The following MOB3B variants were observed in gnomAD, a reference collection of about 807,000 sequenced individuals.
MOB3B encodes the protein MOB kinase activator-like 2B.
In MOB3B, 7 loss-of-function variants were observed where a neutral mutation model predicts 18.7. The ratio of observed to expected loss-of-function variants is 0.37; its 90% confidence interval spans 0.21 to 0.70. The LOEUF is 0.70. Ranked by LOEUF, MOB3B falls within the 30% of genes least tolerant of loss-of-function variation. The pLI, the probability that MOB3B is intolerant of heterozygous loss-of-function variation, is 0.52. For synonymous variants in MOB3B, 111 were observed against 99.9 expected, an observed-to-expected ratio of 1.11 and a Z score of -0.66; for missense variants, 253 against 281.3, an observed-to-expected ratio of 0.90 and a Z score of 0.72.
intron 2 of MOB3B, among the ~76,000 whole-genome samples, chr9:27,438,138 A>G (rs1392066697): frequency 1.3e-5 from 2 of 152,246 alleles, no homozygotes; most frequent in Admixed American, 6.5e-5. Context: ...ATAAATAGCC[A>G]AGAGCACTGA....
chr9:27,524,150 T>TAAAAA lies in MOB3B; in HGVS notation c.-199+5400_-199+5404dup, dbSNP rs3081119. 1.7e-4 allele frequency among the ~76,000 whole-genome samples: 15 copies of TAAAAA among 90,224 alleles called. 1 individual carries two copies. The highest frequency in any genetic ancestry group is 2.4e-4 in the Admixed American group (2 of 8,248). 59.2% of individuals were successfully genotyped at this position (90,224 alleles called of 152,430 possible). ...CCAAAGTCGGCATAGTCACCCGAAG[T>TAAAAA]AAAAAAAAAAAAAAAAAAAAAGCCT... On this transcript the variant is annotated intron_variant, in intron 1 of 3. Transcript: ENST00000262244.
intron 2 of MOB3B, among the ~76,000 whole-genome samples, chr9:27,370,778 C>T (rs946318667): frequency 6.6e-6 from 1 of 152,176 alleles, no homozygotes; most frequent in Non-Finnish European, 1.5e-5. Flanking sequence ...ACCATAGAAA[C>T]CTGAGTTGTG....
intron 1 of MOB3B, among the ~76,000 whole-genome samples, chr9:27,509,508 C>T (rs1820109893): frequency 2.6e-5 from 4 of 152,260 alleles, no homozygotes; most frequent in Admixed American, 2.0e-4. Context: ...CCTCCGCCTC[C>T]TGGGTTCAAG....
chr9:27,372,600 A>G (rs1821439898), intron 2 of MOB3B, among the ~76,000 whole-genome samples: 1 of 152,220 alleles, frequency 6.6e-6, no homozygotes, highest in Non-Finnish European at 1.5e-5. Context: ...CTTTGATACG[A>G]TAAGTCGCTT....
chr9:27,501,229 T>A (rs997514101), intron 1 of MOB3B, among the ~76,000 whole-genome samples: 1 of 152,190 alleles, frequency 6.6e-6, no homozygotes, highest in Non-Finnish European at 1.5e-5. Flanking sequence ...AATACCATTT[T>A]ACCCAGCGAT....
chr9:27,355,047 CA>C (rs1228613273), intron 3 of MOB3B, among the ~76,000 whole-genome samples: 1 of 152,216 alleles, frequency 6.6e-6, no homozygotes, highest in Non-Finnish European at 1.5e-5. Context: ...ATATCTTGCT[CA>C]AGTTTGCACG....
intron 2 of MOB3B, chr9:27,378,741 C>A (rs1448982104): frequency 8.6e-6 from 4 of 463,346 alleles, no homozygotes; most frequent in Non-Finnish European, 1.3e-5. Context: ...GGCATGTGAC[C>A]AAAGTGATAA....
rs2181029 is a variant in MOB3B, at chr9:27,326,906, A to G, written c.*3681T>C. The G allele has an allele frequency of 0.17, 36,948 of 219,954 alleles. 3,080 individuals are homozygous for G. The highest frequency in any genetic ancestry group is 0.2 in the African/African-American group (8,738 of 44,160). The allele number at this position is 219,954 out of a possible 1,614,324, so 13.6% of individuals were successfully genotyped here. On this transcript the variant is annotated 3_prime_UTR_variant, in exon 4 of 4. Coordinates refer to ENST00000262244, the MANE Select transcript of MOB3B (RefSeq NM_024761.5). ...TTGGAGGGTCACAACTCACTGTACT[A>G]TCTAAGAGTTTTCCCAAAAAAACCA...
intron 1 of MOB3B, among the ~76,000 whole-genome samples, chr9:27,466,659 G>A (rs1198782714): frequency 6.6e-6 from 1 of 152,132 alleles, no homozygotes; most frequent in Non-Finnish European, 1.5e-5. Flanking sequence ...AATCATAGTG[G>A]GAGGCAGAAG....
intron 3 of MOB3B, among the ~76,000 whole-genome samples, chr9:27,357,791 C>T (rs1821213052): frequency 6.7e-6 from 1 of 150,194 alleles, no homozygotes; most frequent in Non-Finnish European, 1.5e-5. Flanking sequence ...GTGGCTCACA[C>T]CTGTAATCCC....
At chr9:27,433,183 G>A (rs1822442669) in intron 2 of MOB3B, among the ~76,000 whole-genome samples, 1 of 151,720 alleles carries the variant, frequency 6.6e-6, no homozygotes, top group African/African-American at 2.4e-5. Flanking sequence ...TCAGGGCTTT[G>A]TAAACATTAT....
chr9:27,484,498 A>G (rs10812602), intron 1 of MOB3B, among the ~76,000 whole-genome samples: 43,854 of 152,142 alleles, frequency 0.29, 7,197 homozygotes, highest in Non-Finnish European at 0.37. Flanking sequence ...AGCAAACTGA[A>G]GTGCATTATT....
Position 27,326,482 on chromosome 9 carries a change from C to CA in MOB3B, c.*4104_*4105insT, listed in dbSNP as rs1195975828. ...GAAACTCAAAAAGAATACTTCAGCT[C>CA]GAGTTGAATGGAATTCAAGATGTTG... On this transcript the variant is annotated 3_prime_UTR_variant, in exon 4 of 4. Transcript: ENST00000262244. 3 of 398,394 alleles carry CA rather than the reference C, an allele frequency of 7.5e-6. No individual in the cohort carries two copies. The highest frequency in any genetic ancestry group is 4.4e-6 in the Non-Finnish European group (1 of 226,052). 24.7% of individuals were successfully genotyped at this position (398,394 alleles called of 1,614,324 possible). A position where few individuals can be genotyped will look rare whatever the true frequency, so the allele number is the denominator to read the frequency against.
chr9:27,359,187 G>A lies in MOB3B; in HGVS notation c.468C>T (p.Cys156=), dbSNP rs762787002. The A allele has an allele frequency of 2.5e-5, 40 of 1,614,200 alleles. No homozygotes were observed. In the South Asian group the frequency reaches 4.3e-4, roughly 17 times the overall value. Residue 156 remains cysteine, a synonymous_variant, in exon 3 of 4, where the codon TGC becomes TGT. Transcript: ENST00000262244. ...CGTGGACAAAGACCCGGAAAAGGCG[G>A]CACAGGATCTTCTTGCAGATCTGAA... is the stretch of plus-strand genomic sequence containing the variant. ...NFLQICKKIL[C]RLFRVFVHVY... is the part of the protein sequence containing the mutation.
At chr9:27,492,523 T>G (rs942689839) in intron 1 of MOB3B, among the ~76,000 whole-genome samples, 1 of 152,128 alleles carries the variant, frequency 6.6e-6, no homozygotes, top group Non-Finnish European at 1.5e-5. Flanking sequence ...TACCTAAAGG[T>G]TTTCAGAAAT....
chr9:27,378,414 G>A (rs1057512346), intron 2 of MOB3B: 8 of 471,454 alleles, frequency 1.7e-5, no homozygotes, highest in Non-Finnish European at 3.5e-5. Flanking sequence ...AGGAGGCAAA[G>A]CTGGCCCTGA....
intron 1 of MOB3B, among the ~76,000 whole-genome samples, chr9:27,480,360 CGCGATCTCG>C (rs1181100227): frequency 6.6e-6 from 1 of 150,428 alleles, no homozygotes; most frequent in Non-Finnish European, 1.5e-5. Flanking sequence ...AGTGCAGTGA[CGCGATCTCG>C]GCTCACTGCA....
chr9:27,529,555 C>T lies in MOB3B; in HGVS notation c.-199G>A, dbSNP rs1480590682. Reference sequence around the variant, plus strand: ...TAGCTTGGAGCGGGTTCTTACTCACCGTGGGGTTTTACCTCCAGCCCAGGG... The same window carrying T: ...TAGCTTGGAGCGGGTTCTTACTCACTGTGGGGTTTTACCTCCAGCCCAGGG... On this transcript the variant is annotated splice_region_variant and 5_prime_UTR_variant, in exon 1 of 4. Coordinates refer to ENST00000262244, the MANE Select transcript of MOB3B (RefSeq NM_024761.5). The T allele has an allele frequency of 2.0e-6, 2 of 985,388 alleles. No homozygotes were observed. Among genetic ancestry groups the T allele is most frequent in the East Asian group, 1.1e-4 (1 of 8,818 alleles). The allele number at this position is 985,388 out of a possible 1,614,324, so 61.0% of individuals were successfully genotyped here.
intron 1 of MOB3B, among the ~76,000 whole-genome samples, chr9:27,504,288 A>G (rs1429471205): frequency 2.0e-5 from 3 of 152,212 alleles, no homozygotes; most frequent in African/African-American, 7.2e-5. Context: ...ATTTTAAAAG[A>G]TGCAGTCCTC....
Sources: allele counts gnomAD v4.1 joint callset (sites outside exome capture counted in the v4.1 genomes callset), GRCh38; gene constraint gnomAD v4.1.1; transcripts MANE v1.5; gene names NCBI Gene and HGNC (gene_info 2026-07-23, HGNC 2026-07-21).